ISM1: variants seen among roughly 807,000 people sequenced by gnomAD.
The protein encoded by ISM1 is isthmin-1.
Under a neutral mutation model 46.3 loss-of-function variants are expected in ISM1, and 25 were observed. The observed-to-expected ratio is 0.54, with a 90% CI of 0.39 to 0.75. ISM1 has a LOEUF of 0.75. ISM1 is among the 30% of genes least tolerant of loss of function. The pLI, the probability that ISM1 is intolerant of heterozygous loss-of-function variation, is 0.00. For synonymous variants in ISM1, 255 were observed against 256.7 expected (o/e 0.99, Z 0.06); for missense variants, 536 against 625.4 (o/e 0.86, Z 1.52).
the ISM1 span, among the ~76,000 whole-genome samples, chr20:13,315,991 A>G: frequency 3.3e-5 from 5 of 151,996 alleles, no homozygotes; most frequent in Non-Finnish European, 5.9e-5. Flanking sequence ...GGATGAGGCA[A>G]AAGTAGTGCT....
intron 5 of ISM1, among the ~76,000 whole-genome samples, 170 bp from the exon 6 acceptor site, chr20:13,298,772 G>A (rs1456201847): frequency 1.3e-5 from 2 of 152,104 alleles, no homozygotes; most frequent in African/African-American, 4.8e-5. Context: ...GTGCCAGGGG[G>A]CTGCAGGGGT....
intron 1 of ISM1, among the ~76,000 whole-genome samples, chr20:13,249,387 G>C (rs1008118039): frequency 6.6e-6 from 1 of 152,140 alleles, no homozygotes; most frequent in East Asian, 1.9e-4. Flanking sequence ...CATGAAACAC[G>C]GGCAGGCCAA....
At chr20:13,321,253 T>TTAAA in the ISM1 span, among the ~76,000 whole-genome samples, 206 of 57,526 alleles carry the variant, frequency 3.6e-3, 8 homozygotes, top group African/African-American at 0.013. Flanking sequence ...GTGCCCCACA[T>TTAAA]AAAAAAAAAA....
chr20:13,258,440 A>T (rs2039951581), intron 1 of ISM1, among the ~76,000 whole-genome samples: 1 of 152,128 alleles, frequency 6.6e-6, no homozygotes, highest in African/African-American at 2.4e-5. Flanking sequence ...TTGTCCAGAT[A>T]TGTTAAATTG....
chr20:13,268,553 C>T (rs866030157), intron 1 of ISM1, among the ~76,000 whole-genome samples: 11 of 152,174 alleles, frequency 7.2e-5, no homozygotes, highest in South Asian at 4.2e-4. Context: ...ACACTGCCCC[C>T]GGCCACATCT....
intron 3 of ISM1, 52 bp from the exon 4 acceptor site, chr20:13,288,488 T>C (rs747804806): frequency 7.6e-6 from 12 of 1,584,570 alleles, no homozygotes; most frequent in Non-Finnish European, 9.5e-6. Context: ...GATGGGGAGA[T>C]TGGGAGACTC....
At chr20:13,263,486 C>A (rs886820658) in intron 1 of ISM1, among the ~76,000 whole-genome samples, 9 of 152,186 alleles carry the variant, frequency 5.9e-5, no homozygotes, top group African/African-American at 2.2e-4. Context: ...GGAGTGCTTG[C>A]TCCTCAATCA....
At chr20:13,319,119 C>T in the ISM1 span, among the ~76,000 whole-genome samples, 2 of 151,888 alleles carry the variant, frequency 1.3e-5, no homozygotes, top group Non-Finnish European at 2.9e-5. Flanking sequence ...TCTATGGGGG[C>T]AGGGGATATT....
chr20:13,302,295 T>G (rs2040464683), downstream of ISM1, among the ~76,000 whole-genome samples: 1 of 152,232 alleles, frequency 6.6e-6, no homozygotes, highest in African/African-American at 2.4e-5. Context: ...GCTCCAGGAC[T>G]CTGCCTACTG....
chr20:13,289,562 CT>C (rs2040330592), intron 4 of ISM1, among the ~76,000 whole-genome samples: 2 of 151,978 alleles, frequency 1.3e-5, no homozygotes, highest in South Asian at 4.1e-4. Context: ...GGCTCGAGAC[CT>C]GTTTTTGTGT....
chr20:13,271,640 T>A (rs558374142), intron 2 of ISM1, among the ~76,000 whole-genome samples: 1 of 152,304 alleles, frequency 6.6e-6, no homozygotes, highest in East Asian at 1.9e-4. Context: ...CCAACCCACA[T>A]TCAGAGGCAA....
intron 3 of ISM1, among the ~76,000 whole-genome samples, chr20:13,285,904 C>T (rs1273128733): frequency 6.6e-6 from 1 of 152,054 alleles, no homozygotes; most frequent in Admixed American, 6.5e-5. Flanking sequence ...CTCTACATTG[C>T]GATAATGGAG....
At chr20:13,283,771 G>C (rs6041990) in intron 3 of ISM1, among the ~76,000 whole-genome samples, 1 of 152,022 alleles carries the variant, frequency 6.6e-6, no homozygotes, top group African/African-American at 2.4e-5. Context: ...AAATTACATA[G>C]GTACTGCTTA....
At chr20:13,229,591 T>C (rs188150211) in intron 1 of ISM1, among the ~76,000 whole-genome samples, 8 of 152,350 alleles carry the variant, frequency 5.3e-5, no homozygotes, top group Admixed American at 3.3e-4. Context: ...TTTGTTTCCA[T>C]TGCTTTGCAT....
At chr20:13,285,294 T>G (rs2040279637) in intron 3 of ISM1, among the ~76,000 whole-genome samples, 1 of 148,546 alleles carries the variant, frequency 6.7e-6, no homozygotes, top group South Asian at 2.1e-4. Flanking sequence ...TCGAAACAGC[T>G]TAAAAAATAA....
Position 13,270,528 on chromosome 20 carries a change from A to T in ISM1, c.163A>T (p.Thr55Ser). ...GAATAACCTCAACGTGGGAAGTGAC[A>T]CCACATCAGAAACCAGCTTTTCTCT... is the stretch of plus-strand genomic sequence containing the variant. Reference protein sequence around the residue: ...LQNNLNVGSDTTSETSFSLSK... With the variant: ...LQNNLNVGSDSTSETSFSLSK... Residue 55 changes from threonine (T) to serine (S), a missense_variant, in exon 2 of 6, where the codon ACC (threonine) becomes TCC (serine). Physicochemically the swap from Thr to Ser is moderately conservative, Grantham distance 58. Around this residue, in one of 2 missense-constraint regions of ISM1, gnomAD observed 367 missense variants for 376.1 expected, o/e 0.98. Transcript: ENST00000262487. 1 of 1,613,572 alleles carries T rather than the reference A, an allele frequency of 6.2e-7. No individual in the cohort carries two copies. Among genetic ancestry groups the T allele is most frequent in the Non-Finnish European group, 8.5e-7 (1 of 1,179,730 alleles).
In ISM1 at chr20:13,299,391, C is replaced by T; in HGVS notation, c.1327C>T (p.Gln443Ter). The change falls in exon 6 of 6, where the codon CAG becomes TAG. Residue 443 changes from glutamine (Q) to a stop codon, truncating the protein, a stop_gained. Coordinates refer to ENST00000262487, the MANE Select transcript of ISM1 (RefSeq NM_080826.2). LOFTEE classifies it high-confidence loss of function. This position sits in a 1 kb window ranked among gnomAD's most constrained non-coding sequence, Gnocchi z 5.8. Reference sequence around the variant, plus strand: ...CGAGGCCCGGCCTCCCAACAACGGACAGAAGTGCACAGAGAGCCCCTCGGA... The same window carrying T: ...CGAGGCCCGGCCTCCCAACAACGGATAGAAGTGCACAGAGAGCCCCTCGGA... ...YNEARPPNNG[Q>*]KCTESPSDED... The T allele has an allele frequency of 6.2e-7, 1 of 1,613,212 alleles. No homozygotes were observed. Among genetic ancestry groups the T allele is most frequent in the Non-Finnish European group, 8.5e-7 (1 of 1,179,880 alleles).
rs1042223764 is a variant in ISM1, at chr20:13,221,622, G to T, written c.-155G>T. The T allele has an allele frequency of 1.7e-5, 8 of 462,694 alleles. No individual in the cohort carries two copies. The highest frequency in any genetic ancestry group is 2.1e-5 in the Non-Finnish European group (7 of 334,842). The allele number at this position is 462,694 out of a possible 1,614,324, so 28.7% of individuals were successfully genotyped here. On this transcript the variant is annotated 5_prime_UTR_variant, in exon 1 of 6. Coordinates refer to ENST00000262487, the MANE Select transcript of ISM1 (RefSeq NM_080826.2). ...GGCCCCGCACACCCCGCCGCGCCCAGCGCCAGCCCCGCGGGCCCGGGAAGC... is the reference window on the plus strand; with the variant it reads ...GGCCCCGCACACCCCGCCGCGCCCATCGCCAGCCCCGCGGGCCCGGGAAGC...
chr20:13,233,798 A>G (rs2039617623), intron 1 of ISM1, among the ~76,000 whole-genome samples: 1 of 152,132 alleles, frequency 6.6e-6, no homozygotes, highest in Non-Finnish European at 1.5e-5. Context: ...CCAAATGTTC[A>G]CTAGGTGCAT....
Sources: allele counts gnomAD v4.1 joint callset (sites outside exome capture counted in the v4.1 genomes callset), GRCh38; gene constraint gnomAD v4.1.1; regional missense constraint gnomAD v4.1.1; non-coding constraint Gnocchi (gnomAD v3.1); transcripts MANE v1.5; gene names NCBI Gene and HGNC (gene_info 2026-07-23, HGNC 2026-07-21).